EFCAB5: variants seen among roughly 807,000 people sequenced by gnomAD.
EFCAB5 encodes EF-hand calcium binding domain 5, also known as EF-hand calcium-binding domain-containing protein 5.
A neutral mutation model predicts 167.9 loss-of-function variants in EFCAB5; 131 were observed. The ratio of observed to expected loss-of-function variants is 0.78; its 90% CI spans 0.68 to 0.90. The LOEUF (loss-of-function observed/expected upper bound fraction) is 0.90, where lower values mean the gene tolerates loss of function less well. Ranked by LOEUF, EFCAB5 falls within the 40% of genes least tolerant of loss-of-function variation. EFCAB5 has a pLI of 0.00. For synonymous variants in EFCAB5, 574 were observed against 602.8 expected, an observed-to-expected ratio of 0.95 and a Z score of 0.70; for missense variants, 1,663 against 1,745.2, an observed-to-expected ratio of 0.95 and a Z score of 0.84.
chr17:30,027,947 T>G (rs1203188161), intron 7 of EFCAB5, among the ~76,000 whole-genome samples: 1 of 152,222 alleles, frequency 6.6e-6, no homozygotes, highest in Non-Finnish European at 1.5e-5. Flanking sequence ...TCAAGCAGTC[T>G]GAGGTCCACT....
intron 12 of EFCAB5, 72 bp from the exon 13 acceptor site, chr17:30,057,604 A>G: frequency 8.0e-7 from 1 of 1,257,004 alleles, no homozygotes; most frequent in South Asian, 1.3e-5. Context: ...TCATTACAAT[A>G]GGCACTCATT....
intron 3 of EFCAB5, among the ~76,000 whole-genome samples, chr17:29,958,797 T>C (rs889114401): frequency 9.2e-5 from 14 of 152,156 alleles, no homozygotes; most frequent in Non-Finnish European, 1.8e-4. Context: ...CAAAGGGAAT[T>C]GAGTGTTGTG....
rs535246889 is a variant in EFCAB5, at chr17:30,054,234, A to C, written c.2194+86A>C. The C allele has an allele frequency of 3.8e-4, 551 of 1,447,574 alleles. 5 individuals are homozygous for C. The South Asian group carries it at 8.0e-3, about 21-fold the overall frequency. 89.7% of individuals were successfully genotyped at this position (1,447,574 alleles called of 1,614,324 possible). Reference sequence around the variant, plus strand: ...TTTTCAGAAAACACTCATTTAAGTTAGAATTTTTTTTCTGGCATATCAGAT... The same window carrying C: ...TTTTCAGAAAACACTCATTTAAGTTCGAATTTTTTTTCTGGCATATCAGAT... On this transcript the variant is annotated intron_variant, in intron 10 of 22. Transcript: ENST00000394835.
intron 7 of EFCAB5, among the ~76,000 whole-genome samples, chr17:30,033,700 G>A (rs573674511): frequency 2.8e-4 from 43 of 152,282 alleles, no homozygotes; most frequent in African/African-American, 8.4e-4. Flanking sequence ...AATGGCCGAA[G>A]AGTATAGACG....
chr17:30,098,098 C>G (rs1376612560), intron 22 of EFCAB5, among the ~76,000 whole-genome samples: 1 of 152,088 alleles, frequency 6.6e-6, no homozygotes, highest in Non-Finnish European at 1.5e-5. Context: ...CCACACCCAA[C>G]TAATTTTTTT....
chr17:30,026,164 TATA>T (rs1341044809), intron 7 of EFCAB5, among the ~76,000 whole-genome samples: 1 of 151,648 alleles, frequency 6.6e-6, no homozygotes, highest in Non-Finnish European at 1.5e-5. Flanking sequence ...AAACTTAAAG[TATA>T]ATAATAATAA....
At chr17:30,005,170 C>T (rs989072583) in intron 7 of EFCAB5, among the ~76,000 whole-genome samples, 18 of 152,228 alleles carry the variant, frequency 1.2e-4, no homozygotes, top group African/African-American at 4.1e-4. Flanking sequence ...CTCAGCAATG[C>T]ATGATGGCTC....
intron 12 of EFCAB5, among the ~76,000 whole-genome samples, chr17:30,057,438 G>T (rs574803475): frequency 1.6e-4 from 25 of 152,300 alleles, no homozygotes; most frequent in Non-Finnish European, 2.8e-4. Flanking sequence ...TTAGCCAGAT[G>T]TATATCACAT....
chr17:30,060,986 C>T (rs1351346827), intron 14 of EFCAB5, among the ~76,000 whole-genome samples: 1 of 151,812 alleles, frequency 6.6e-6, no homozygotes, highest in African/African-American at 2.4e-5. Context: ...ATTTAAGGAA[C>T]CTAAGGGTAA....
At chr17:30,071,780 T>C (rs1409743224) in intron 14 of EFCAB5, among the ~76,000 whole-genome samples, 3 of 152,146 alleles carry the variant, frequency 2.0e-5, no homozygotes, top group Non-Finnish European at 4.4e-5. Context: ...TAAAGAAAAT[T>C]TGGTCTATAT....
intron 14 of EFCAB5, among the ~76,000 whole-genome samples, chr17:30,064,785 A>G (rs953203277): frequency 6.6e-6 from 1 of 152,232 alleles, no homozygotes; most frequent in African/African-American, 2.4e-5. Context: ...AGTATCATAT[A>G]AGGGAAAGCC....
chr17:30,053,717 C>A lies in EFCAB5; in HGVS notation c.1763C>A (p.Pro588Gln), dbSNP rs761274904. 6.2e-7 allele frequency: 1 copy of A among 1,613,848 alleles called. No individual in the cohort carries two copies. ...QHKGSIEGQG[P>Q]RRVSVSEQGS... ...AAAGGGTCAATAGAAGGACAAGGAC[C>A]ACGCAGAGTGTCAGTTTCAGAACAA... Residue 588 changes from proline (P) to glutamine (Q), a missense_variant, in exon 10 of 23, where the codon CCA (proline) becomes CAA (glutamine). Coordinates refer to ENST00000394835, the MANE Select transcript of EFCAB5 (RefSeq NM_198529.4).
intron 22 of EFCAB5, among the ~76,000 whole-genome samples, chr17:30,104,169 A>G (rs1316109232): frequency 1.3e-5 from 2 of 152,212 alleles, no homozygotes; most frequent in Admixed American, 6.5e-5. Flanking sequence ...GGAGAGGAAC[A>G]TCAACAAATG....
At chr17:29,947,468 A>C (rs1158476703) in intron 3 of EFCAB5, among the ~76,000 whole-genome samples, 2 of 152,142 alleles carry the variant, frequency 1.3e-5, no homozygotes. Flanking sequence ...TATTGGGTAC[A>C]ATGTATACTA....
intron 15 of EFCAB5, among the ~76,000 whole-genome samples, chr17:30,078,922 C>T (rs1188831478): frequency 2.6e-5 from 4 of 152,186 alleles, no homozygotes; most frequent in African/African-American, 4.8e-5. Flanking sequence ...AACTCATTAT[C>T]GAGTCTGACA....
intron 4 of EFCAB5, among the ~76,000 whole-genome samples, chr17:29,989,802 T>G (rs999696932): frequency 2.6e-5 from 4 of 152,202 alleles, no homozygotes; most frequent in Non-Finnish European, 4.4e-5. Flanking sequence ...CATTGTTCTA[T>G]CCAAATTGGC....
intron 14 of EFCAB5, among the ~76,000 whole-genome samples, chr17:30,063,842 C>T (rs766604294): frequency 3.9e-5 from 6 of 152,082 alleles, no homozygotes; most frequent in South Asian, 4.2e-4. Context: ...TAACATATGC[C>T]GCTGCTGCTG....
chr17:29,929,970 T>C, intron 1 of EFCAB5: 2 of 1,601,844 alleles, frequency 1.2e-6, no homozygotes, highest in South Asian at 1.1e-5. Flanking sequence ...GTGCTGGGGG[T>C]AGGTGACCGC....
chr17:29,945,555 A>AT (rs1299648552), intron 3 of EFCAB5, among the ~76,000 whole-genome samples: 2 of 151,780 alleles, frequency 1.3e-5, no homozygotes, highest in African/African-American at 2.4e-5. Flanking sequence ...CTAAAAAACA[A>AT]TTTTTTTTAA....
Sources: gnomAD v4.1 joint callset for allele counts (sites outside exome capture counted in the v4.1 genomes callset) on GRCh38, gnomAD v4.1.1 for gene constraint, MANE v1.5 for transcripts, NCBI Gene and HGNC (gene_info 2026-07-23, HGNC 2026-07-21) for gene names.